The following SORCS1 variants were observed in gnomAD, a reference collection of about 807,000 sequenced individuals.
SORCS1 encodes sortilin related VPS10 domain containing receptor 1.
In SORCS1, 60 loss-of-function variants were observed where a neutral mutation model predicts 146.1. The ratio of observed to expected loss-of-function variants is 0.41; its 90% CI spans 0.33 to 0.51. The LOEUF (loss-of-function observed/expected upper bound fraction) is 0.51, where lower values mean the gene tolerates loss of function less well. SORCS1 is among the 20% of genes least tolerant of loss of function. The pLI, the probability that SORCS1 is intolerant of heterozygous loss-of-function variation, is 0.21. For missense variants in SORCS1, 1,352 were observed against 1,487.6 expected (o/e 0.91, Z 1.50); for synonymous variants, 637 against 584.0 (o/e 1.09, Z -1.31).
chr10:107,000,155 T>A (rs1459117445), intron 1 of SORCS1, among the ~76,000 whole-genome samples: 1 of 152,208 alleles, frequency 6.6e-6, no homozygotes, highest in Non-Finnish European at 1.5e-5. Context: ...AAATAAATAA[T>A]TTTTTAAAAT....
At position 106,578,568 on chromosome 10, in the gene SORCS1, T is replaced by TCA; in HGVS notation, c.3371+800_3371+801insTG. ...AAAGTTCCTAGACTACCAATAGATG[T>TCA]AAAAAAAAAAAAAATTCCCTGGAGG... On this transcript the variant is annotated intron_variant, in intron 25 of 25. Transcript: ENST00000263054. The TCA allele has an allele frequency of 7.7e-6, 5 of 647,390 alleles. No individual in the cohort carries two copies. The South Asian group carries it at 2.0e-4, about 26-fold the overall frequency. The allele number at this position is 647,390 out of a possible 1,614,324, so 40.1% of individuals were successfully genotyped here.
intron 1 of SORCS1, among the ~76,000 whole-genome samples, chr10:107,008,256 T>A (rs1279557761): frequency 6.6e-6 from 1 of 152,206 alleles, no homozygotes; most frequent in Non-Finnish European, 1.5e-5. Context: ...TGGTTTCCAT[T>A]TTTAAGGTGA....
chr10:106,981,091 A>G (rs1345526844), intron 1 of SORCS1, among the ~76,000 whole-genome samples: 2 of 152,188 alleles, frequency 1.3e-5, no homozygotes, highest in Admixed American at 1.3e-4. Context: ...AATGACTCAG[A>G]AAGTCTATTT....
At chr10:106,980,922 G>T (rs757556172) in intron 1 of SORCS1, among the ~76,000 whole-genome samples, 12 of 151,956 alleles carry the variant, frequency 7.9e-5, no homozygotes, top group Non-Finnish European at 1.6e-4. Flanking sequence ...ATTCCCCAGG[G>T]GGCTTTAATT....
At chr10:106,592,411 A>G (rs1266547140) in intron 24 of SORCS1, among the ~76,000 whole-genome samples, 2 of 152,244 alleles carry the variant, frequency 1.3e-5, no homozygotes, top group African/African-American at 4.8e-5. Context: ...CCATAAAAGC[A>G]AACAGGGAAG....
intron 24 of SORCS1, 85 bp downstream of exon 24, chr10:106,597,266 C>T: frequency 1.9e-6 from 2 of 1,065,376 alleles, no homozygotes; most frequent in Admixed American, 1.9e-5. Flanking sequence ...TTGTTACCAT[C>T]TAGCCTTTTT....
intron 3 of SORCS1, among the ~76,000 whole-genome samples, chr10:106,779,751 G>A (rs1860751058): frequency 1.3e-5 from 2 of 151,950 alleles, no homozygotes; most frequent in African/African-American, 4.8e-5. Flanking sequence ...GCCTCCCAAA[G>A]TGCTGGGATT....
At chr10:106,983,630 C>T (rs1262156010) in intron 1 of SORCS1, among the ~76,000 whole-genome samples, 2 of 152,134 alleles carry the variant, frequency 1.3e-5, no homozygotes, top group Non-Finnish European at 2.9e-5. Context: ...AGCAACACTG[C>T]CCATGGTCTC....
chr10:106,616,103 T>A (rs911575), intron 21 of SORCS1, among the ~76,000 whole-genome samples: 148,533 of 152,252 alleles, frequency 0.98, 72,544 homozygotes, highest in East Asian at 1. Flanking sequence ...TTGTCACCAA[T>A]CAGCAGAATG....
rs557486963 is a variant in SORCS1 at position 107,093,675 on chromosome 10, T to C, written c.558+70294A>G. Among the ~76,000 whole-genome samples, 4 of 95,890 alleles carry C rather than the reference T, an allele frequency of 4.2e-5. No homozygotes were observed. The East Asian group carries it at 8.4e-4, about 20-fold the overall frequency. The allele number at this position is 95,890 out of a possible 152,430, so 62.9% of individuals were successfully genotyped here. A position where few individuals can be genotyped will look rare whatever the true frequency, so the allele number is the denominator to read the frequency against. On this transcript the variant is annotated intron_variant, in intron 1 of 25. Transcript: ENST00000263054. ...AGCCTGGCGACAGAGTGAGACTCAG[T>C]CTCAAAAAAAAAAAAAAACTGAGTC...
At chr10:106,884,821 T>G (rs1950934541) in intron 2 of SORCS1, among the ~76,000 whole-genome samples, 1 of 152,166 alleles carries the variant, frequency 6.6e-6, no homozygotes, top group African/African-American at 2.4e-5. Flanking sequence ...AAGTGATCTA[T>G]CTCATAGTGG....
chr10:106,607,926 T>A (rs1383154729), intron 22 of SORCS1, among the ~76,000 whole-genome samples: 2 of 152,170 alleles, frequency 1.3e-5, no homozygotes, highest in African/African-American at 2.4e-5. Flanking sequence ...CCAGCCCTGT[T>A]CCCTGAAGCA....
At chr10:106,738,385 G>A (rs934022282) in intron 5 of SORCS1, among the ~76,000 whole-genome samples, 6 of 152,208 alleles carry the variant, frequency 3.9e-5, no homozygotes, top group Non-Finnish European at 7.3e-5. Flanking sequence ...TGACATTTCT[G>A]TAGGGAGGAG....
chr10:107,033,987 AC>A (rs1958780893), intron 1 of SORCS1, among the ~76,000 whole-genome samples: 1 of 152,228 alleles, frequency 6.6e-6, no homozygotes, highest in Admixed American at 6.5e-5. Flanking sequence ...GAAGTGAGAT[AC>A]AATTATAAGC....
At chr10:107,011,156 C>A (rs988952738) in intron 1 of SORCS1, among the ~76,000 whole-genome samples, 2 of 152,184 alleles carry the variant, frequency 1.3e-5, no homozygotes, top group Admixed American at 1.3e-4. Context: ...CCTTTATGGA[C>A]CTCTTAACTT....
At chr10:106,774,271 G>A (rs1860257018) in intron 4 of SORCS1, among the ~76,000 whole-genome samples, 1 of 152,086 alleles carries the variant, frequency 6.6e-6, no homozygotes, top group Non-Finnish European at 1.5e-5. Context: ...AGTTTATACT[G>A]ATATTACTAC....
At chr10:106,584,588 A>G (rs759365240) in intron 24 of SORCS1, among the ~76,000 whole-genome samples, 1 of 152,240 alleles carries the variant, frequency 6.6e-6, no homozygotes, top group Non-Finnish European at 1.5e-5. Flanking sequence ...AACCGATCAA[A>G]TATTTTCTTT....
intron 18 of SORCS1, among the ~76,000 whole-genome samples, chr10:106,645,519 C>T (rs2133709018): frequency 6.6e-6 from 1 of 152,078 alleles, no homozygotes; most frequent in East Asian, 1.9e-4. Context: ...AAATGTAAAC[C>T]TTCTGATGGT....
chr10:107,085,691 T>C (rs1185211365), intron 1 of SORCS1, among the ~76,000 whole-genome samples: 1 of 152,308 alleles, frequency 6.6e-6, no homozygotes, highest in East Asian at 1.9e-4. Flanking sequence ...CAGAAGTTTG[T>C]TGACACCCAA....
Sources: gnomAD v4.1 joint callset for allele counts (sites outside exome capture counted in the v4.1 genomes callset) on GRCh38, gnomAD v4.1.1 for gene constraint, MANE v1.5 for transcripts, NCBI Gene and HGNC (gene_info 2026-07-23, HGNC 2026-07-21) for gene names.